FER1L6: variants seen among roughly 807,000 people sequenced by gnomAD.
FER1L6 encodes the protein fer-1 like family member 6.
FER1L6 carries 177 observed loss-of-function variants against 219.2 expected under a neutral mutation model. The ratio of observed to expected loss-of-function variants is 0.81; its 90% CI spans 0.71 to 0.91. The LOEUF is 0.91. Among genes scored for constraint, FER1L6 ranks in the 40% least tolerant of loss-of-function variants. The pLI, the probability that FER1L6 is intolerant of heterozygous loss-of-function variation, is 0.00. For synonymous variants in FER1L6, 768 were observed against 824.3 expected, an observed-to-expected ratio of 0.93 and a Z score of 1.17; for missense variants, 2,153 against 2,259.9, an observed-to-expected ratio of 0.95 and a Z score of 0.96.
intron 18 of FER1L6, among the ~76,000 whole-genome samples, chr8:124,032,093 G>A (rs1818993451): frequency 6.6e-6 from 1 of 152,180 alleles, no homozygotes; most frequent in Non-Finnish European, 1.5e-5. Flanking sequence ...CAGTAGAAAT[G>A]AATGATGTTT....
intron 28 of FER1L6, among the ~76,000 whole-genome samples, chr8:124,069,089 A>G (rs1024802629): frequency 1.3e-5 from 2 of 152,058 alleles, no homozygotes; most frequent in Admixed American, 1.3e-4. Flanking sequence ...GGCGCCCGCC[A>G]CCATGCCTGG....
chr8:123,876,125 C>T (rs1327146799), intron 1 of FER1L6, among the ~76,000 whole-genome samples: 2 of 152,224 alleles, frequency 1.3e-5, no homozygotes, highest in East Asian at 3.8e-4. Context: ...TGTCTATTCT[C>T]TGACCCCATG....
intron 12 of FER1L6, among the ~76,000 whole-genome samples, chr8:123,990,803 C>T (rs947757423): frequency 7.9e-5 from 12 of 152,164 alleles, no homozygotes; most frequent in Middle Eastern, 3.4e-3. Context: ...AGGACTGTGT[C>T]GTGAATAGAT....
chr8:124,113,742 T>C (rs1823113618), intron 39 of FER1L6, among the ~76,000 whole-genome samples: 1 of 152,244 alleles, frequency 6.6e-6, no homozygotes, highest in East Asian at 1.9e-4. Flanking sequence ...TCTCATCATA[T>C]TGCTTATCTT....
intron 20 of FER1L6, among the ~76,000 whole-genome samples, chr8:124,044,962 T>C (rs1480105652): frequency 2.0e-5 from 3 of 152,248 alleles, no homozygotes; most frequent in Non-Finnish European, 1.5e-5. Flanking sequence ...TCTGTATCCA[T>C]TGACTGCTCC....
chr8:123,869,480 T>G (rs1184623275), intron 1 of FER1L6, among the ~76,000 whole-genome samples: 1 of 152,208 alleles, frequency 6.6e-6, no homozygotes, highest in Non-Finnish European at 1.5e-5. Flanking sequence ...CATTTCATCC[T>G]GTATTATCTG....
At chr8:123,859,462 C>G (rs372366819) in intron 1 of FER1L6, among the ~76,000 whole-genome samples, 10 of 151,910 alleles carry the variant, frequency 6.6e-5, no homozygotes, top group African/African-American at 2.4e-4. Flanking sequence ...CTGAAACTTT[C>G]TACACTATGA....
chr8:124,105,756 T>C (rs1262089295), intron 39 of FER1L6, among the ~76,000 whole-genome samples: 1 of 152,170 alleles, frequency 6.6e-6, no homozygotes, highest in Non-Finnish European at 1.5e-5. Flanking sequence ...CACTCAAATG[T>C]CCATCAGCTG....
At chr8:123,966,103 C>A in intron 4 of FER1L6, 42 bp downstream of exon 4, 1 of 1,613,682 alleles carries the variant, frequency 6.2e-7, no homozygotes, top group Non-Finnish European at 8.5e-7. Flanking sequence ...CCCAGTGCTT[C>A]CTGTGTGCAT....
At chr8:124,089,630 C>T (rs1821937241) in intron 33 of FER1L6, among the ~76,000 whole-genome samples, 1 of 152,104 alleles carries the variant, frequency 6.6e-6, no homozygotes, top group Admixed American at 6.6e-5. Flanking sequence ...TATCTGATAG[C>T]TTTAAGAGTA....
intron 1 of FER1L6, among the ~76,000 whole-genome samples, chr8:123,895,380 G>A (rs7012454): frequency 0.15 from 22,188 of 152,160 alleles, 1,687 homozygotes; most frequent in Middle Eastern, 0.2. Context: ...AACTTGAATA[G>A]GGTCTAAGCA....
intron 38 of FER1L6, among the ~76,000 whole-genome samples, chr8:124,102,730 G>GT (rs1255503008): frequency 6.6e-6 from 1 of 152,172 alleles, no homozygotes; most frequent in Non-Finnish European, 1.5e-5. Context: ...ACCTGGAGGG[G>GT]TTTAGTGGAC....
At chr8:124,049,889 G>A in intron 22 of FER1L6, 133 bp downstream of exon 22, 3 of 873,038 alleles carry the variant, frequency 3.4e-6, no homozygotes, top group Non-Finnish European at 5.5e-6. Flanking sequence ...TGTCTCCTGG[G>A]GACCTGAGAG....
chr8:124,100,407 A>G lies in FER1L6; in HGVS notation c.4884-690A>G, dbSNP rs73332208. Among the ~76,000 whole-genome samples, 1,296 of 152,308 alleles carry G rather than the reference A, an allele frequency of 8.5e-3. 22 individuals carry two copies. The highest frequency in any genetic ancestry group is 0.029 in the African/African-American group (1,217 of 41,540). On this transcript the variant is annotated intron_variant, in intron 37 of 40. Transcript: ENST00000522917. Reference sequence around the variant, plus strand: ...TCATGTGATTTTTCAGAACAACCTTATAAACTAGGTGCTATAATTGCTTCC... The same window carrying G: ...TCATGTGATTTTTCAGAACAACCTTGTAAACTAGGTGCTATAATTGCTTCC...
chr8:124,054,898 G>T (rs1468610465), intron 22 of FER1L6, among the ~76,000 whole-genome samples: 1 of 152,234 alleles, frequency 6.6e-6, no homozygotes, highest in Non-Finnish European at 1.5e-5. Flanking sequence ...ACGCGAAGAT[G>T]CCAGATCCAG....
intron 15 of FER1L6, among the ~76,000 whole-genome samples, chr8:124,015,230 C>A (rs1818132162): frequency 6.6e-6 from 1 of 151,990 alleles, no homozygotes; most frequent in African/African-American, 2.4e-5. Flanking sequence ...GTCACTAGGC[C>A]CAGCCCACCT....
chr8:123,948,448 C>T (rs554971225), intron 1 of FER1L6, among the ~76,000 whole-genome samples: 1 of 152,224 alleles, frequency 6.6e-6, no homozygotes, highest in African/African-American at 2.4e-5. Context: ...GAAGTTTGAC[C>T]TCTTTCTAAT....
At chr8:124,090,631 T>C (rs1434284786) in intron 33 of FER1L6, among the ~76,000 whole-genome samples, 1 of 152,204 alleles carries the variant, frequency 6.6e-6, no homozygotes, top group Non-Finnish European at 1.5e-5. Flanking sequence ...GTTTAAATTC[T>C]GATGAACTCA....
chr8:124,056,801 T>A (rs1482802422), intron 22 of FER1L6, among the ~76,000 whole-genome samples: 1 of 152,168 alleles, frequency 6.6e-6, no homozygotes, highest in Non-Finnish European at 1.5e-5. Context: ...ATGAGCACCC[T>A]TTGGAGGCAG....
Sources: gnomAD v4.1 joint callset for allele counts (sites outside exome capture counted in the v4.1 genomes callset) on GRCh38, gnomAD v4.1.1 for gene constraint, MANE v1.5 for transcripts, NCBI Gene and HGNC (gene_info 2026-07-23, HGNC 2026-07-21) for gene names.